MYZAP: variants seen among roughly 807,000 people sequenced by gnomAD.
The protein encoded by MYZAP is GRINL1A complex locus upstream.
A neutral mutation model predicts 69.4 loss-of-function variants in MYZAP; 66 were observed. That is an observed-to-expected ratio of 0.95 (90% confidence interval 0.78 to 1.17). MYZAP has a LOEUF of 1.17. Ranked by LOEUF, MYZAP falls within the 50% of genes most tolerant of loss-of-function variation. The probability of loss-of-function intolerance (pLI) is 0.00; values close to 1 mark genes in which losing one functional copy is unlikely to be tolerated. For synonymous variants in MYZAP, 256 were observed against 205.9 expected, an observed-to-expected ratio of 1.24 and a Z score of -2.09; for missense variants, 611 against 556.2, an observed-to-expected ratio of 1.10 and a Z score of -0.99.
chr15:57,649,477 G>C (rs1245619809), intron 10 of MYZAP, among the ~76,000 whole-genome samples: 3 of 152,164 alleles, frequency 2.0e-5, no homozygotes, highest in African/African-American at 7.2e-5. Context: ...CTTTTCTTAA[G>C]CTTATTGGCC....
Position 57,654,002 on chromosome 15 carries a change from CAAAAAAAAAAAA to C in MYZAP, c.1120-7429_1120-7418del, listed in dbSNP as rs398043344. Among the ~76,000 whole-genome samples the C allele has an allele frequency of 2.2e-4, 8 of 36,086 alleles. No homozygotes were observed. The East Asian group carries it at 6.0e-3, about 27-fold the overall frequency. 23.7% of individuals were successfully genotyped at this position (36,086 alleles called of 152,430 possible). A position where few individuals can be genotyped will look rare whatever the true frequency, so the allele number is the denominator to read the frequency against. On this transcript the variant is annotated intron_variant, in intron 10 of 12. Coordinates refer to ENST00000267853, the MANE Select transcript of MYZAP (RefSeq NM_001018100.5). ...CCTGGGTTACAGAGGCAAACGCTGT[CAAAAAAAAAAAA>C]AAAAAAAAAAAAAAAAAAGTCCCTA... is the stretch of plus-strand genomic sequence containing the variant.
intron 2 of MYZAP, among the ~76,000 whole-genome samples, chr15:57,614,415 C>T (rs2035302065): frequency 1.3e-5 from 2 of 152,156 alleles, no homozygotes; most frequent in African/African-American, 2.4e-5. Flanking sequence ...TGGTGAGTGT[C>T]GTGGGGAAGT....
At chr15:57,630,659 C>T (rs2036449220) in intron 6 of MYZAP, among the ~76,000 whole-genome samples, 1 of 152,130 alleles carries the variant, frequency 6.6e-6, no homozygotes, top group East Asian at 1.9e-4. Flanking sequence ...CATTAGTGCC[C>T]CTCCCAAATT....
chr15:57,664,550 C>T (rs370925470), intron 11 of MYZAP, among the ~76,000 whole-genome samples: 2 of 152,322 alleles, frequency 1.3e-5, no homozygotes, highest in East Asian at 1.9e-4. Flanking sequence ...GATTGCTCTA[C>T]GGCACGGATG....
At chr15:57,630,196 G>C (rs901473249) in intron 6 of MYZAP, among the ~76,000 whole-genome samples, 1 of 152,194 alleles carries the variant, frequency 6.6e-6, no homozygotes, top group Non-Finnish European at 1.5e-5. Context: ...TCGAACTCCT[G>C]ACCTCAGGTG....
At chr15:57,670,533 A>G (rs1241950179) in intron 11 of MYZAP, among the ~76,000 whole-genome samples, 1 of 152,082 alleles carries the variant, frequency 6.6e-6, no homozygotes, top group Non-Finnish European at 1.5e-5. Flanking sequence ...TTTTATACAT[A>G]GTTATAGTCT....
intron 1 of MYZAP, among the ~76,000 whole-genome samples, chr15:57,596,187 A>G (rs535099772): frequency 6.6e-6 from 1 of 152,016 alleles, no homozygotes; most frequent in South Asian, 2.1e-4. Flanking sequence ...TGTGATTTTG[A>G]CCCATTTGTC....
chr15:57,668,755 G>T (rs186641239), intron 11 of MYZAP, among the ~76,000 whole-genome samples: 1 of 151,864 alleles, frequency 6.6e-6, no homozygotes, highest in Admixed American at 6.6e-5. Context: ...TCTTACTATT[G>T]AGTTGGAAGA....
chr15:57,628,342 T>TA (rs2036282540), intron 5 of MYZAP, among the ~76,000 whole-genome samples: 1 of 152,126 alleles, frequency 6.6e-6, no homozygotes, highest in Non-Finnish European at 1.5e-5. Context: ...GTGATATAGT[T>TA]CACTGCAGCC....
chr15:57,682,393 A>T (rs986944477), intron 12 of MYZAP, among the ~76,000 whole-genome samples: 4 of 152,072 alleles, frequency 2.6e-5, no homozygotes, highest in Non-Finnish European at 5.9e-5. Context: ...AAGAAATGGG[A>T]TGTCTTAGTC....
chr15:57,625,773 G>C lies in MYZAP; in HGVS notation c.412-6G>C, dbSNP rs753039019. 2 of 1,613,838 alleles carry C rather than the reference G, an allele frequency of 1.2e-6. No homozygotes were observed. Among genetic ancestry groups the C allele is most frequent in the Non-Finnish European group, 8.5e-7 (1 of 1,179,786 alleles). ...TTTTGTGTGACTGTCTCCTCGATCT[G>C]TCCAGGTTTCCCATGCTCAGCAGGA... On this transcript the variant is annotated splice_polypyrimidine_tract_variant and splice_region_variant and intron_variant, in intron 4 of 12. Coordinates refer to ENST00000267853, the MANE Select transcript of MYZAP (RefSeq NM_001018100.5).
intron 12 of MYZAP, among the ~76,000 whole-genome samples, chr15:57,677,222 C>T (rs1268597132): frequency 6.6e-6 from 1 of 152,152 alleles, no homozygotes; most frequent in Non-Finnish European, 1.5e-5. Context: ...GCGGCTGGAC[C>T]GTGGGACCCT....
At chr15:57,592,842 G>A (rs1312769062) in intron 1 of MYZAP, among the ~76,000 whole-genome samples, 3 of 152,188 alleles carry the variant, frequency 2.0e-5, no homozygotes, top group East Asian at 1.9e-4. Flanking sequence ...TAGAGCCACA[G>A]CCAGGGGCTT....
At chr15:57,624,575 G>T (rs1191972593) in intron 4 of MYZAP, among the ~76,000 whole-genome samples, 2 of 152,190 alleles carry the variant, frequency 1.3e-5, no homozygotes, top group African/African-American at 4.8e-5. Context: ...AGACACCAAT[G>T]ACTGTCATCA....
intron 10 of MYZAP, among the ~76,000 whole-genome samples, chr15:57,652,171 C>T (rs12914437): frequency 0.22 from 33,116 of 151,918 alleles, 4,195 homozygotes; most frequent in South Asian, 0.37. Context: ...TTTTTCCCTC[C>T]ATTCCTTCAT....
At chr15:57,646,291 TG>T in intron 10 of MYZAP, 1 of 1,262,350 alleles carries the variant, frequency 7.9e-7, no homozygotes, top group East Asian at 5.7e-5. Flanking sequence ...TATTTATCTA[TG>T]ATGAGCCAAT....
chr15:57,604,650 G>A (rs1230734735), intron 2 of MYZAP, among the ~76,000 whole-genome samples: 7 of 152,188 alleles, frequency 4.6e-5, no homozygotes, highest in Admixed American at 1.3e-4. Context: ...GGCGGGGAAC[G>A]TGGGTTTTCC....
chr15:57,636,190 CTG>C (rs1466142530), intron 8 of MYZAP, among the ~76,000 whole-genome samples: 2 of 151,178 alleles, frequency 1.3e-5, no homozygotes, highest in East Asian at 3.9e-4. Context: ...GCTTTTATCA[CTG>C]TTATTTCGGG....
chr15:57,648,095 A>G lies in MYZAP; in HGVS notation c.1119+8550A>G, dbSNP rs866751555. 2.2e-5 allele frequency: 21 copies of G among 949,398 alleles called. No homozygotes were observed. The South Asian group carries it at 7.8e-4, about 35-fold the overall frequency. The allele number at this position is 949,398 out of a possible 1,614,324, so 58.8% of individuals were successfully genotyped here. A position where few individuals can be genotyped will look rare whatever the true frequency, so the allele number is the denominator to read the frequency against. ...TGACAATGTTATAGTTTCTAATTCTAGTGTTTAGCATGGTATTATTCCTTA... is the reference window on the plus strand; with the variant it reads ...TGACAATGTTATAGTTTCTAATTCTGGTGTTTAGCATGGTATTATTCCTTA... On this transcript the variant is annotated intron_variant, in intron 10 of 12. Transcript: ENST00000267853.
Sources: gnomAD v4.1 joint callset for allele counts (sites outside exome capture counted in the v4.1 genomes callset) on GRCh38, gnomAD v4.1.1 for gene constraint, MANE v1.5 for transcripts, NCBI Gene and HGNC (gene_info 2026-07-23, HGNC 2026-07-21) for gene names.